The following HECTD4 variants were observed in gnomAD, a reference collection of about 807,000 sequenced individuals.
The protein encoded by HECTD4 is HECT domain E3 ubiquitin protein ligase 4.
Under a neutral mutation model 471.5 loss-of-function variants are expected in HECTD4, and 114 were observed. That is an observed-to-expected ratio of 0.24 (90% CI 0.21 to 0.28). HECTD4 has a LOEUF of 0.28. Among genes scored for constraint, HECTD4 ranks in the 10% least tolerant of loss-of-function variants. The pLI, the probability that HECTD4 is intolerant of heterozygous loss-of-function variation, is 1.00. For synonymous variants in HECTD4, 2,012 were observed against 2,256.0 expected (o/e 0.89, Z 3.07); for missense variants, 3,866 against 5,651.5 (o/e 0.68, Z 10.13).
rs3835014 is a variant in HECTD4, at chr12:112,200,884, C to CGTGTGTGT, written c.8407-94_8407-87dup. 4.7e-3 allele frequency: 3,311 copies of CGTGTGTGT among 698,582 alleles called. 76 individuals carry two copies. The Admixed American group carries it at 0.07, about 15-fold the overall frequency. 43.3% of individuals were successfully genotyped at this position (698,582 alleles called of 1,614,324 possible). On this transcript the variant is annotated intron_variant, in intron 54 of 75. Coordinates refer to ENST00000682272, the MANE Select transcript of HECTD4 (RefSeq NM_001388303.1). ...GCGTGCGTGTGTGTGTGCGTGCGTG[C>CGTGTGTGT]GTGTGTGTGTGTGTGTGTGTGTGTG...
At chr12:112,376,638 T>C (rs2036786674) in intron 1 of HECTD4, among the ~76,000 whole-genome samples, 2 of 152,132 alleles carry the variant, frequency 1.3e-5, no homozygotes, top group South Asian at 4.1e-4. Flanking sequence ...CCATCTCTCC[T>C]CTCCCCTTTA....
Position 112,184,862 on chromosome 12 carries a change from G to C in HECTD4, c.10104C>G (p.Thr3368=). 1 of 1,607,886 alleles carries C rather than the reference G, an allele frequency of 6.2e-7. No individual in the cohort carries two copies. The highest frequency in any genetic ancestry group is 1.1e-5 in the South Asian group (1 of 90,600). ...LTLLIILRHL[T]RKDPQGLGVT... is the part of the protein sequence containing the mutation. ...CGCCCAGCCCCTGTGGGTCCTTCCT[G>C]GTGAGGTGGCGGAGGATGATGAGCA... The change falls in exon 61 of 76, where the codon ACC becomes ACG. Residue 3368 remains threonine, a synonymous_variant. Coordinates refer to ENST00000682272, the MANE Select transcript of HECTD4 (RefSeq NM_001388303.1). The surrounding 1 kb of genome is among the most constrained non-coding windows in gnomAD (Gnocchi z 9.1).
In HECTD4 at chr12:112,212,609, G is replaced by A; in HGVS notation, c.7507C>T (p.Pro2503Ser). 6.2e-7 allele frequency: 1 copy of A among 1,613,824 alleles called. No homozygotes were observed. The highest frequency in any genetic ancestry group is 1.1e-5 in the South Asian group (1 of 91,058). ...GIGWERTEGT[P>S]PPPGQPAKGR... ...TTGGCTGGCTGTCCCGGAGGAGGTGGAGTCCCCTCAGTTCTCTCCCAGCCA... is the reference window on the plus strand; with the variant it reads ...TTGGCTGGCTGTCCCGGAGGAGGTGAAGTCCCCTCAGTTCTCTCCCAGCCA... Residue 2503 changes from proline (P) to serine (S), a missense_variant, in exon 49 of 76, where the codon CCA (proline) becomes TCA (serine). By Grantham distance (74) the Pro-to-Ser change is moderately conservative. This residue lies in a region of HECTD4 where 617 missense variants were observed against 915.1 expected (regional missense o/e 0.67). Coordinates refer to ENST00000682272, the MANE Select transcript of HECTD4 (RefSeq NM_001388303.1).
chr12:112,288,467 T>A (rs957134940), intron 7 of HECTD4, among the ~76,000 whole-genome samples: 1 of 151,374 alleles, frequency 6.6e-6, no homozygotes, highest in Non-Finnish European at 1.5e-5. Context: ...AAAAAAAATA[T>A]AAAAATTAGC....
rs996763604 is a variant in HECTD4, at chr12:112,270,574, T to C, written c.1943-115A>G. The C allele has an allele frequency of 4.6e-6, 4 of 862,596 alleles. No individual in the cohort carries two copies. In the African/African-American group the frequency reaches 6.7e-5, roughly 14 times the overall value. The allele number at this position is 862,596 out of a possible 1,614,324, so 53.4% of individuals were successfully genotyped here. ...GCACTAGAAAAGGATATTTTGGCTA[T>C]AATCTCTTTCACTGCTGCCAGAGAA... On this transcript the variant is annotated intron_variant, in intron 11 of 75. Coordinates refer to ENST00000682272, the MANE Select transcript of HECTD4 (RefSeq NM_001388303.1).
chr12:112,250,314 T>C lies in HECTD4; in HGVS notation c.3780A>G (p.Pro1260=), dbSNP rs145013901. 393 of 1,613,874 alleles carry C rather than the reference T, an allele frequency of 2.4e-4. No individual in the cohort carries two copies. Among genetic ancestry groups the C allele is most frequent in the Non-Finnish European group, 3.2e-4 (374 of 1,179,844 alleles). ...ISPALTPSPS[P]LPLTIEEDRE... ...TGTCTTCCTCTATGGTCAGAGGCAG[T>C]GGAGAGGGGCTCGGAGTAAGGGCAG... is the stretch of plus-strand genomic sequence containing the variant. Residue 1260 remains proline, a synonymous_variant, in exon 25 of 76, where the codon CCA becomes CCG. Coordinates refer to ENST00000682272, the MANE Select transcript of HECTD4 (RefSeq NM_001388303.1).
chr12:112,306,355 T>A, intron 6 of HECTD4, 121 bp from the exon 7 acceptor site: 1 of 784,246 alleles, frequency 1.3e-6, no homozygotes. Flanking sequence ...CTGGTCAAAA[T>A]AAAATGGATA....
At chr12:112,328,760 A>T (rs920011800) in intron 1 of HECTD4, among the ~76,000 whole-genome samples, 2 of 152,232 alleles carry the variant, frequency 1.3e-5, no homozygotes, top group African/African-American at 4.8e-5. Context: ...CTCACTTTTC[A>T]ACATCTCTTA....
At chr12:112,196,483 C>T (rs991871989) in intron 55 of HECTD4, among the ~76,000 whole-genome samples, 10 of 152,152 alleles carry the variant, frequency 6.6e-5, no homozygotes, top group African/African-American at 1.2e-4. Context: ...ATGAGGACCA[C>T]GGCAACAAAA....
intron 44 of HECTD4, 72 bp from the exon 45 acceptor site, chr12:112,219,561 G>T: frequency 2.9e-6 from 3 of 1,047,826 alleles, no homozygotes; most frequent in Non-Finnish European, 4.3e-6. Flanking sequence ...CTCTTTTGGA[G>T]CAGCATCAAA....
At chr12:112,190,474 C>T (rs1306130960) in intron 60 of HECTD4, among the ~76,000 whole-genome samples, 1 of 152,192 alleles carries the variant, frequency 6.6e-6, no homozygotes, top group Non-Finnish European at 1.5e-5. Flanking sequence ...CACCACCCTT[C>T]ACCCCTAAAG....
chr12:112,304,642 T>G (rs1217470982), intron 7 of HECTD4, among the ~76,000 whole-genome samples: 3 of 151,484 alleles, frequency 2.0e-5, no homozygotes, highest in African/African-American at 4.9e-5. Context: ...AAATGAAAAT[T>G]CCTTAAACAG....
intron 32 of HECTD4, among the ~76,000 whole-genome samples, chr12:112,240,734 A>G (rs2033623590): frequency 6.6e-6 from 1 of 152,198 alleles, no homozygotes; most frequent in African/African-American, 2.4e-5. Context: ...TACAGGCCTG[A>G]GCCACTGTGC....
At chr12:112,217,676 G>A (rs2032962699) in intron 45 of HECTD4, among the ~76,000 whole-genome samples, 1 of 152,206 alleles carries the variant, frequency 6.6e-6, no homozygotes, top group African/African-American at 2.4e-5. Flanking sequence ...TTTTTAAAAA[G>A]TGTATCTTTT....
chr12:112,240,434 TTTTTC>T lies in HECTD4; in HGVS notation c.4959-412_4959-408del, dbSNP rs201162432. 8.0e-3 allele frequency among the ~76,000 whole-genome samples: 1,221 copies of T among 152,078 alleles called. 12 individuals are homozygous for T. The highest frequency in any genetic ancestry group is 0.027 in the African/African-American group (1,136 of 41,458). On this transcript the variant is annotated intron_variant, in intron 32 of 75. Transcript: ENST00000682272. ...AAGTAGCACTGAATACTGTAAGTGC[TTTTTC>T]TTTTCTTTTCTTTTCTTTTTTTTTT...
intron 1 of HECTD4, chr12:112,321,782 A>G (rs1019963884): frequency 1.3e-5 from 2 of 152,178 alleles, no homozygotes; most frequent in Non-Finnish European, 2.9e-5. Context: ...ATTTAAAAAC[A>G]ACAACACAAA....
intron 1 of HECTD4, among the ~76,000 whole-genome samples, chr12:112,353,679 T>G (rs1045891794): frequency 3.9e-5 from 6 of 152,054 alleles, no homozygotes; most frequent in African/African-American, 1.4e-4. Flanking sequence ...AATACAAAAT[T>G]AGCTGGGTGT....
rs2106972 is a variant in HECTD4, at chr12:112,194,345, C to G, written c.8749+540G>C. 0.21 allele frequency among the ~76,000 whole-genome samples: 32,265 copies of G among 152,076 alleles called. 5,531 individuals carry two copies. The highest frequency in any genetic ancestry group is 0.85 in the East Asian group (4,400 of 5,162). ...CATCTTAGTTGCTGGGAGATCGAGG[C>G]GGCAGGCTGGAGGCTGAGATGCCAG... On this transcript the variant is annotated intron_variant, in intron 56 of 75. Transcript: ENST00000682272. The surrounding 1 kb of genome is among the most constrained non-coding windows in gnomAD (Gnocchi z 4.6).
Position 112,170,068 on chromosome 12 carries a change from C to T in HECTD4, c.12052+265G>A. 1.1e-5 allele frequency: 6 copies of T among 564,732 alleles called. No individual in the cohort carries two copies. The South Asian group carries it at 1.2e-4, about 12-fold the overall frequency. 35.0% of individuals were successfully genotyped at this position (564,732 alleles called of 1,614,324 possible). ...TGCTGGAATCCCCATTTTTGGCAGG[C>T]ACATGGCTGATCAGAGCAAAGCCTG... On this transcript the variant is annotated intron_variant, in intron 69 of 75. Coordinates refer to ENST00000682272, the MANE Select transcript of HECTD4 (RefSeq NM_001388303.1).
Sources: allele counts gnomAD v4.1 joint callset (sites outside exome capture counted in the v4.1 genomes callset), GRCh38; gene constraint gnomAD v4.1.1; regional missense constraint gnomAD v4.1.1; non-coding constraint Gnocchi (gnomAD v3.1); transcripts MANE v1.5; gene names NCBI Gene and HGNC (gene_info 2026-07-23, HGNC 2026-07-21).